TTC38: variants seen among roughly 807,000 people sequenced by gnomAD.
TTC38 encodes the protein tetratricopeptide repeat protein 38.
TTC38 carries 64 observed loss-of-function variants against 64.2 expected under a neutral mutation model. That is an observed-to-expected ratio of 1.00 (90% CI 0.81 to 1.23). TTC38 has a LOEUF of 1.23. Ranked by LOEUF, TTC38 falls within the 50% of genes most tolerant of loss-of-function variation. TTC38 has a pLI of 0.00. For synonymous variants in TTC38, 254 were observed against 249.3 expected (o/e 1.02, Z -0.18); for missense variants, 573 against 615.5 (o/e 0.93, Z 0.73).
rs762782034 is a variant in TTC38 at position 46,291,653 on chromosome 22, T to C, written c.1317-1138T>C. ...CTGTCTTAGTCAGTTTGGGTTGTTA[T>C]TTTAAAAGTGCCACAGACAGGCCGG... On this transcript the variant is annotated intron_variant, in intron 13 of 13. Transcript: ENST00000381031. The surrounding 1 kb of genome is among the most constrained non-coding windows in gnomAD (Gnocchi z 4.6). Among the ~76,000 whole-genome samples, 9 of 152,148 alleles carry C rather than the reference T, an allele frequency of 5.9e-5. No individual in the cohort carries two copies. The highest frequency in any genetic ancestry group is 1.3e-4 in the Non-Finnish European group (9 of 68,018).
At chr22:46,280,354 A>G in intron 6 of TTC38, 1 of 369,228 alleles carries the variant, frequency 2.7e-6, no homozygotes, top group Non-Finnish European at 5.5e-6. Context: ...GCAGGTGAGG[A>G]CTGGATTCTG....
At position 46,280,611 on chromosome 22, in the gene TTC38, C is replaced by T. The variant is rs543630556; in HGVS notation, c.616-988C>T. Among the ~76,000 whole-genome samples the T allele has an allele frequency of 2.6e-5, 4 of 152,372 alleles. No individual in the cohort carries two copies. In the East Asian group the frequency reaches 5.8e-4, roughly 22 times the overall value. ...GCCCAGGGGTGCCCACGGTCCCCTACAGACACACTTTCTTTCCCTCTGTTC... is the reference window on the plus strand; with the variant it reads ...GCCCAGGGGTGCCCACGGTCCCCTATAGACACACTTTCTTTCCCTCTGTTC... On this transcript the variant is annotated intron_variant, in intron 6 of 13. Transcript: ENST00000381031.
intron 13 of TTC38, among the ~76,000 whole-genome samples, chr22:46,290,171 C>T (rs146144373): frequency 1.3e-5 from 2 of 152,288 alleles, no homozygotes; most frequent in Non-Finnish European, 2.9e-5. Flanking sequence ...ACACGTCCTG[C>T]TCTTTCAGGC....
At position 46,281,442 on chromosome 22, in the gene TTC38, G is replaced by T. The variant is rs1435138249; in HGVS notation, c.616-157G>T. Among the ~76,000 whole-genome samples the T allele has an allele frequency of 6.6e-6, 1 of 152,136 alleles. No individual in the cohort carries two copies. Among genetic ancestry groups the T allele is most frequent in the Admixed American group, 6.5e-5 (1 of 15,278 alleles). On this transcript the variant is annotated intron_variant, in intron 6 of 13. Transcript: ENST00000381031. This position sits in a 1 kb window ranked among gnomAD's most constrained non-coding sequence, Gnocchi z 5.2. ...TGTGCCCGGGCAGGCAGGAAGTGGTGCTAATTGTCAGTGTTTTGAGTCAGA... is the reference window on the plus strand; with the variant it reads ...TGTGCCCGGGCAGGCAGGAAGTGGTTCTAATTGTCAGTGTTTTGAGTCAGA...
chr22:46,273,172 C>G lies in TTC38; in HGVS notation c.194-726C>G, dbSNP rs1299767487. On this transcript the variant is annotated intron_variant, in intron 3 of 13. Transcript: ENST00000381031. This position sits in a 1 kb window ranked among gnomAD's most constrained non-coding sequence, Gnocchi z 5.1. ...GGGAGCCAGGAGCCAGGGGTGGGCT[C>G]GGACTCTCTGAGCAGACCTTGAGCC... Among the ~76,000 whole-genome samples the G allele has an allele frequency of 6.6e-6, 1 of 152,184 alleles. No homozygotes were observed. The highest frequency in any genetic ancestry group is 1.5e-5 in the Non-Finnish European group (1 of 68,026).
At chr22:46,284,531 C>T (rs2077557665) in intron 8 of TTC38, among the ~76,000 whole-genome samples, 1 of 152,140 alleles carries the variant, frequency 6.6e-6, no homozygotes, top group South Asian at 2.1e-4. Flanking sequence ...GATACAGTGT[C>T]TGGAAGACAG....
chr22:46,289,437 G>T lies in TTC38; in HGVS notation c.1118G>T (p.Arg373Leu), dbSNP rs56258934. 11 of 1,609,250 alleles carry T rather than the reference G, an allele frequency of 6.8e-6. No homozygotes were observed. Among genetic ancestry groups the T allele is most frequent in the Non-Finnish European group, 9.3e-6 (11 of 1,179,722 alleles). The part of the protein sequence containing the change: ...PGENCQHLLA[R>L]DVGLPLCQAL... ...GAGAACTGCCAGCACCTCCTGGCCCGAGACGTGGGGCTGCCCCTGTGCCAG... is the reference window on the plus strand; with the variant it reads ...GAGAACTGCCAGCACCTCCTGGCCCTAGACGTGGGGCTGCCCCTGTGCCAG... Residue 373 changes from arginine to leucine, a missense_variant, in exon 12 of 14, where the codon CGA becomes CTA. Physicochemically the swap from Arg to Leu is moderately radical, Grantham distance 102 (BLOSUM62 -2). Transcript: ENST00000381031.
At chr22:46,283,104 A>ATT in intron 7 of TTC38, among the ~76,000 whole-genome samples, 1 of 147,174 alleles carries the variant, frequency 6.8e-6, no homozygotes, top group African/African-American at 2.5e-5. Context: ...AATTAAAAAA[A>ATT]TTTTTTTTTT....
chr22:46,277,046 TACACACACACACACACACAC>T (rs4044315), intron 5 of TTC38, among the ~76,000 whole-genome samples: 1 of 131,274 alleles, frequency 7.6e-6, no homozygotes. Flanking sequence ...TATATATACA[TACACACACACACACACACAC>T]ACACACACAC....
Position 46,284,022 on chromosome 22 carries a change from T to TGA in TTC38, c.786_787dup (p.Ile263ArgfsTer11), listed in dbSNP as rs1240698077. The stretch of plus-strand genomic sequence containing the variant: ...AACTATTGGCACTGGGCTTTATATC[T>TGA]GATTGAGAAGGTAAGGTGACCATCT... On this transcript the variant is annotated frameshift_variant, in exon 8 of 14. Coordinates refer to ENST00000381031, the MANE Select transcript of TTC38 (RefSeq NM_017931.4). LOFTEE classifies it high-confidence loss of function. 1 of 1,609,272 alleles carries TGA rather than the reference T, an allele frequency of 6.2e-7. No homozygotes were observed. Among genetic ancestry groups the TGA allele is most frequent in the Non-Finnish European group, 8.5e-7 (1 of 1,178,368 alleles).
intron 6 of TTC38, among the ~76,000 whole-genome samples, chr22:46,278,915 T>G (rs1348035322): frequency 6.6e-6 from 1 of 152,126 alleles, no homozygotes; most frequent in Non-Finnish European, 1.5e-5. Context: ...ACAGATGAGG[T>G]TGATGGGGTA....
Position 46,272,314 on chromosome 22 carries a change from G to A in TTC38, c.112-21G>A, listed in dbSNP as rs568739832. On this transcript the variant is annotated intron_variant, in intron 2 of 13. Coordinates refer to ENST00000381031, the MANE Select transcript of TTC38 (RefSeq NM_017931.4). The surrounding 1 kb of genome is among the most constrained non-coding windows in gnomAD (Gnocchi z 6.4). ...TGATCCAAGGGCTCCGTGAGGACTTGTTTTGCTTTTCCCATTTCAGTATGT... is the reference window on the plus strand; with the variant it reads ...TGATCCAAGGGCTCCGTGAGGACTTATTTTGCTTTTCCCATTTCAGTATGT... The A allele has an allele frequency of 5.6e-6, 9 of 1,607,496 alleles. No individual in the cohort carries two copies. The African/African-American group carries it at 6.7e-5, about 12-fold the overall frequency.
chr22:46,283,953 CTTTT>C lies in TTC38; in HGVS notation c.736-10_736-7del. 3.0e-6 allele frequency: 4 copies of C among 1,313,062 alleles called. No homozygotes were observed. The highest frequency in any genetic ancestry group is 2.1e-6 in the Non-Finnish European group (2 of 967,268). 81.3% of individuals were successfully genotyped at this position (1,313,062 alleles called of 1,614,324 possible). A position where few individuals can be genotyped will look rare whatever the true frequency, so the allele number is the denominator to read the frequency against. On this transcript the variant is annotated splice_polypyrimidine_tract_variant and intron_variant, in intron 7 of 13. Coordinates refer to ENST00000381031, the MANE Select transcript of TTC38 (RefSeq NM_017931.4). ...GGCCTTCAGACTTTTCATAAATTCTCTTTTTTTTTTTTTCTCCAGGACTCTGATA... is the reference window on the plus strand; with the variant it reads ...GGCCTTCAGACTTTTCATAAATTCTCTTTTTTTTTCTCCAGGACTCTGATA...
rs1182470888 is a variant in TTC38, at chr22:46,281,178, A to G, written c.616-421A>G. On this transcript the variant is annotated intron_variant, in intron 6 of 13. Transcript: ENST00000381031. The surrounding 1 kb of genome is among the most constrained non-coding windows in gnomAD (Gnocchi z 5.2). ...TAGTTCACACCACGTTCACATGGGCAGTAACCACTTCTCTAAGAGAAAGGC... is the reference window on the plus strand; with the variant it reads ...TAGTTCACACCACGTTCACATGGGCGGTAACCACTTCTCTAAGAGAAAGGC... 1.3e-5 allele frequency among the ~76,000 whole-genome samples: 2 copies of G among 152,262 alleles called. No homozygotes were observed. The highest frequency in any genetic ancestry group is 2.9e-5 in the Non-Finnish European group (2 of 68,044).
Position 46,276,356 on chromosome 22 carries a change from T to C in TTC38, c.539+935T>C, listed in dbSNP as rs1216405034. ...ACTGATTGGATGAGGCCCACCCACA[T>C]GGAGGGTAATCTGCTTTACTCAAAT... On this transcript the variant is annotated intron_variant, in intron 5 of 13. Coordinates refer to ENST00000381031, the MANE Select transcript of TTC38 (RefSeq NM_017931.4). The surrounding 1 kb of genome is among the most constrained non-coding windows in gnomAD (Gnocchi z 4.7). Among the ~76,000 whole-genome samples the C allele has an allele frequency of 6.6e-6, 1 of 152,100 alleles. No individual in the cohort carries two copies. Among genetic ancestry groups the C allele is most frequent in the African/African-American group, 2.4e-5 (1 of 41,402 alleles).
rs1048060131 is a variant in TTC38 at position 46,275,938 on chromosome 22, C to G, written c.539+517C>G. ...GAACTGATCACATGACCTCACCCAC[C>G]CACAAGAGACCAGGAAGTACAGTTC... On this transcript the variant is annotated intron_variant, in intron 5 of 13. Transcript: ENST00000381031. The surrounding 1 kb of genome is among the most constrained non-coding windows in gnomAD (Gnocchi z 4.5). Among the ~76,000 whole-genome samples, 2 of 152,040 alleles carry G rather than the reference C, an allele frequency of 1.3e-5. No homozygotes were observed. Among genetic ancestry groups the G allele is most frequent in the African/African-American group, 4.8e-5 (2 of 41,438 alleles).
In TTC38 at chr22:46,289,561, G is replaced by T; in HGVS notation, c.1242G>T (p.Gln414His). The T allele has an allele frequency of 6.3e-7, 1 of 1,576,860 alleles. No individual in the cohort carries two copies. The highest frequency in any genetic ancestry group is 8.6e-7 in the Non-Finnish European group (1 of 1,162,226). The change falls in exon 12 of 14, where the codon CAG becomes CAT. Residue 414 changes from glutamine (Q) to histidine (H), a missense_variant and splice_region_variant. Gln to His is a conservative substitution (Grantham distance 24). Coordinates refer to ENST00000381031, the MANE Select transcript of TTC38 (RefSeq NM_017931.4). ...TCCAGCTCGGTGGGAGCAATGCCCA[G>T]GTGAGCCGATGGCCGCCAGCTGGGG... The part of the protein sequence containing the change: ...RIVQLGGSNA[Q>H]RDVFNQLLIH...
intron 7 of TTC38, among the ~76,000 whole-genome samples, chr22:46,283,157 T>C (rs1333694333): frequency 4.6e-5 from 7 of 152,170 alleles, no homozygotes; most frequent in Non-Finnish European, 2.9e-5. Context: ...CAGGTGGGTC[T>C]TGGACTCTTG....
Position 46,287,065 on chromosome 22 carries a change from T to A in TTC38, c.835-8T>A, listed in dbSNP as rs2077576633. The A allele has an allele frequency of 6.3e-7, 1 of 1,594,156 alleles. No individual in the cohort carries two copies. The highest frequency in any genetic ancestry group is 8.5e-7 in the Non-Finnish European group (1 of 1,171,966). On this transcript the variant is annotated splice_polypyrimidine_tract_variant and splice_region_variant and intron_variant, in intron 9 of 13. Coordinates refer to ENST00000381031, the MANE Select transcript of TTC38 (RefSeq NM_017931.4). ...CGCTGAGCCCGCCTTGGCCGCCCTG[T>A]CTTCCAGATCCTTCCCAGCCTGCAG...
Sources: allele counts gnomAD v4.1 joint callset (sites outside exome capture counted in the v4.1 genomes callset), GRCh38; gene constraint gnomAD v4.1.1; non-coding constraint Gnocchi (gnomAD v3.1); transcripts MANE v1.5; gene names NCBI Gene and HGNC (gene_info 2026-07-23, HGNC 2026-07-21).